IFI16: variants seen among roughly 807,000 people sequenced by gnomAD.
IFI16 encodes gamma-interferon-inducible protein 16.
Under a neutral mutation model 68.4 loss-of-function variants are expected in IFI16, and 49 were observed. That is an observed-to-expected ratio of 0.72 (90% CI 0.57 to 0.91). The LOEUF (loss-of-function observed/expected upper bound fraction) is 0.91. IFI16 is among the 40% of genes least tolerant of loss of function. The pLI is 0.00. For synonymous variants in IFI16, 307 were observed against 315.0 expected, an observed-to-expected ratio of 0.97 and a Z score of 0.27; for missense variants, 878 against 942.9, an observed-to-expected ratio of 0.93 and a Z score of 0.90.
chr1:159,044,098 C>T (rs1185828995), intron 7 of IFI16, among the ~76,000 whole-genome samples: 1 of 152,118 alleles, frequency 6.6e-6, no homozygotes, highest in Non-Finnish European at 1.5e-5. Context: ...ATTTACTGAG[C>T]TCTGGACTCT....
At chr1:159,013,054 TG>T (rs1420461367) in intron 1 of IFI16, among the ~76,000 whole-genome samples, 1 of 152,164 alleles carries the variant, frequency 6.6e-6, no homozygotes, top group Non-Finnish European at 1.5e-5. Flanking sequence ...AGAGTATTTT[TG>T]TTCATTATAT....
chr1:159,046,746 T>G (rs1415425212), intron 8 of IFI16, among the ~76,000 whole-genome samples: 1 of 151,314 alleles, frequency 6.6e-6, no homozygotes, highest in African/African-American at 2.4e-5. Flanking sequence ...GGTACCAGTC[T>G]CATCTATTCC....
intron 6 of IFI16, among the ~76,000 whole-genome samples, chr1:159,029,087 A>G (rs1416683990): frequency 3.3e-5 from 5 of 152,116 alleles, no homozygotes; most frequent in Non-Finnish European, 5.9e-5. Context: ...TATAAGTCCT[A>G]TGAGATTTAT....
At chr1:159,033,577 G>A (rs551771879) in intron 7 of IFI16, among the ~76,000 whole-genome samples, 2 of 152,268 alleles carry the variant, frequency 1.3e-5, no homozygotes, top group East Asian at 3.9e-4. Flanking sequence ...CCAATTCACA[G>A]AGAAGAAAAT....
intron 7 of IFI16, among the ~76,000 whole-genome samples, chr1:159,042,470 G>A (rs1012965659): frequency 2.6e-5 from 4 of 152,096 alleles, no homozygotes; most frequent in African/African-American, 9.7e-5. Flanking sequence ...ATACATCAGA[G>A]TTCAGTTTCC....
At chr1:159,003,810 G>A (rs990362264), upstream of IFI16, among the ~76,000 whole-genome samples, 6 of 152,062 alleles carry the variant, frequency 3.9e-5, no homozygotes, top group Admixed American at 6.5e-5. Flanking sequence ...ATAGGCGCCC[G>A]CCACCATGCC....
chr1:159,020,846 CGTGTGT>C (rs56977166), intron 6 of IFI16, among the ~76,000 whole-genome samples: 28 of 148,822 alleles, frequency 1.9e-4, no homozygotes, highest in East Asian at 3.9e-4. Flanking sequence ...TAGAAAACGT[CGTGTGT>C]GTGTGTGTGT....
In IFI16 at chr1:159,032,567, T is replaced by C. The variant is rs144062717; in HGVS notation, c.1205T>C (p.Met402Thr). Reference sequence around the variant, plus strand: ...CCGAGAAACAATGACCCCAAGAGCATGAAGCTACCCCAGGAACAGCGTCAG... The same window carrying C: ...CCGAGAAACAATGACCCCAAGAGCACGAAGCTACCCCAGGAACAGCGTCAG... ...TNPRNNDPKSMKLPQEQRQLP... is the reference protein window; with the variant it reads ...TNPRNNDPKSTKLPQEQRQLP... The change falls in exon 7 of 12, where the codon ATG becomes ACG. Residue 402 changes from methionine (M) to threonine (T), a missense_variant. By Grantham distance (81) the Met-to-Thr change is moderately conservative. Coordinates refer to ENST00000295809, the MANE Select transcript of IFI16 (RefSeq NM_001376587.1). 15 of 1,610,544 alleles carry C rather than the reference T, an allele frequency of 9.3e-6. No individual in the cohort carries two copies. In the African/African-American group the frequency reaches 1.6e-4, roughly 17 times the overall value.
chr1:159,045,514 A>G, intron 8 of IFI16, 50 bp downstream of exon 8: 1 of 1,601,096 alleles, frequency 6.2e-7, no homozygotes, highest in South Asian at 1.1e-5. Context: ...ATGTAATGAC[A>G]AGGATTAACA....
chr1:159,034,684 C>T (rs1262290514), intron 7 of IFI16, among the ~76,000 whole-genome samples: 1 of 152,198 alleles, frequency 6.6e-6, no homozygotes, highest in African/African-American at 2.4e-5. Context: ...TCACTGGCAA[C>T]CACGTTTCAG....
At chr1:159,034,984 A>G (rs148800878) in intron 7 of IFI16, among the ~76,000 whole-genome samples, 9 of 152,290 alleles carry the variant, frequency 5.9e-5, no homozygotes, top group African/African-American at 2.2e-4. Flanking sequence ...GGAAGCCTGT[A>G]CCTGTGGTGA....
At chr1:159,007,159 T>C (rs1348625726), upstream of IFI16, among the ~76,000 whole-genome samples, 4 of 152,214 alleles carry the variant, frequency 2.6e-5, no homozygotes, top group Non-Finnish European at 5.9e-5. Flanking sequence ...TTATCTGAAA[T>C]GCATGGTTCC....
At chr1:159,020,256 T>G in intron 5 of IFI16, 85 bp from the exon 6 acceptor site, 1 of 955,956 alleles carries the variant, frequency 1.0e-6, no homozygotes, top group Non-Finnish European at 1.6e-6. Context: ...TGCATCTTGT[T>G]TAACTCTCTT....
chr1:159,006,257 T>A (rs1360152973), upstream of IFI16, among the ~76,000 whole-genome samples: 2 of 152,170 alleles, frequency 1.3e-5, no homozygotes, highest in African/African-American at 2.4e-5. Context: ...GGGGCTTGAT[T>A]AACTTTTATA....
At chr1:159,046,890 C>T (rs1655022123) in intron 8 of IFI16, among the ~76,000 whole-genome samples, 1 of 151,312 alleles carries the variant, frequency 6.6e-6, no homozygotes, top group African/African-American at 2.4e-5. Context: ...CTTCCCTACT[C>T]AGCAATAAAT....
chr1:159,030,782 G>A (rs1014251909), intron 6 of IFI16, among the ~76,000 whole-genome samples: 12 of 148,486 alleles, frequency 8.1e-5, no homozygotes, highest in African/African-American at 2.5e-5. Flanking sequence ...AGGAGGTGGA[G>A]CTTTTAAGAG....
rs916640273 is a variant in IFI16, at chr1:159,018,298, G to A, written c.619G>A (p.Val207Met). 3 of 1,614,152 alleles carry A rather than the reference G, an allele frequency of 1.9e-6. No individual in the cohort carries two copies. The highest frequency in any genetic ancestry group is 2.5e-6 in the Non-Finnish European group (3 of 1,179,968). Residue 207 changes from valine (V) to methionine (M), a missense_variant, in exon 5 of 12, where the codon GTG becomes ATG. Transcript: ENST00000295809. ...TGTTCTCCAAAAACGCCCAGTGATA[G>A]TGAAGGTACTGAGTACAACAAAGCC... ...RNVLQKRPVI[V>M]KVLSTTKPFE...
At chr1:159,051,599 G>C (rs111802094) in intron 9 of IFI16, 80 bp from the exon 10 acceptor site, 6 of 1,125,264 alleles carry the variant, frequency 5.3e-6, no homozygotes, top group Middle Eastern at 2.1e-4. Flanking sequence ...CCAACACTGA[G>C]GCTGAGATGA....
chr1:159,010,807 A>AT (rs771695365), intron 1 of IFI16, among the ~76,000 whole-genome samples: 56 of 150,526 alleles, frequency 3.7e-4, no homozygotes, highest in East Asian at 3.5e-3. Context: ...AAAGTTAATG[A>AT]TTTTTTTTTT....
Sources: gnomAD v4.1 joint callset for allele counts (sites outside exome capture counted in the v4.1 genomes callset) on GRCh38, gnomAD v4.1.1 for gene constraint, MANE v1.5 for transcripts, NCBI Gene and HGNC (gene_info 2026-07-23, HGNC 2026-07-21) for gene names.